COMMD1: variants seen among roughly 807,000 people sequenced by gnomAD.
COMMD1 encodes the protein COMM domain-containing protein 1.
In COMMD1, 10 loss-of-function variants were observed where a neutral mutation model predicts 17.2. The observed-to-expected ratio is 0.58, with a 90% confidence interval of 0.36 to 0.99. The LOEUF is 0.99. COMMD1 is among the 50% of genes least tolerant of loss of function. COMMD1 has a pLI of 0.01. For synonymous variants in COMMD1, 97 were observed against 91.6 expected (o/e 1.06, Z -0.34); for missense variants, 270 against 231.8 (o/e 1.17, Z -1.07).
Position 62,108,173 on chromosome 2 carries a change from C to G in COMMD1, c.463-27658C>G, listed in dbSNP as rs542354719. ...TATACATTGGCATCACATATATTGG[C>G]ATCACAATGCCTAAAAGTATTTTAG... On this transcript the variant is annotated intron_variant, in intron 2 of 2. Transcript: ENST00000311832. Among the ~76,000 whole-genome samples the G allele has an allele frequency of 1.9e-3, 296 of 152,268 alleles. 1 individual carries two copies. Among genetic ancestry groups the G allele is most frequent in the African/African-American group, 6.8e-3 (281 of 41,552 alleles).
At chr2:62,131,964 C>T (rs1458854094) in intron 2 of COMMD1, among the ~76,000 whole-genome samples, 1 of 151,944 alleles carries the variant, frequency 6.6e-6, no homozygotes, top group African/African-American at 2.4e-5. Flanking sequence ...TCTTGGCTCA[C>T]TGCAACCTCT....
At chr2:61,998,592 T>C (rs1668836012) in intron 1 of COMMD1, among the ~76,000 whole-genome samples, 1 of 152,212 alleles carries the variant, frequency 6.6e-6, no homozygotes, top group African/African-American at 2.4e-5. Flanking sequence ...GTGTGTGCAC[T>C]GGAGTAGCAC....
chr2:62,111,261 C>A (rs1475829438), intron 2 of COMMD1, among the ~76,000 whole-genome samples: 2 of 152,202 alleles, frequency 1.3e-5, no homozygotes, highest in East Asian at 3.8e-4. Flanking sequence ...AGGGTCACAT[C>A]TGACACGCCA....
chr2:62,065,078 G>C (rs961181922), intron 2 of COMMD1, among the ~76,000 whole-genome samples: 2 of 152,142 alleles, frequency 1.3e-5, no homozygotes, highest in Non-Finnish European at 2.9e-5. Flanking sequence ...TACAGGTGCT[G>C]AGGCAGGAGA....
At chr2:61,995,246 G>A (rs1668723626) in intron 1 of COMMD1, among the ~76,000 whole-genome samples, 1 of 152,122 alleles carries the variant, frequency 6.6e-6, no homozygotes, top group Admixed American at 6.5e-5. Flanking sequence ...CACCACACTG[G>A]CCAGATTCAG....
At chr2:62,115,148 C>A (rs138754785) in intron 2 of COMMD1, among the ~76,000 whole-genome samples, 1 of 152,142 alleles carries the variant, frequency 6.6e-6, no homozygotes. Context: ...TCGGTTAAAA[C>A]GACTATTTTG....
intron 2 of COMMD1, among the ~76,000 whole-genome samples, chr2:62,004,369 C>T (rs935642314): frequency 2.6e-5 from 4 of 152,086 alleles, no homozygotes; most frequent in Non-Finnish European, 5.9e-5. Context: ...GGCACAATCT[C>T]GGCTCACTGC....
At chr2:62,058,921 C>T (rs1670782143) in intron 2 of COMMD1, among the ~76,000 whole-genome samples, 1 of 152,042 alleles carries the variant, frequency 6.6e-6, no homozygotes, top group South Asian at 2.1e-4. Context: ...GCTGGGATTA[C>T]AGGCATGTGC....
chr2:62,032,517 C>T (rs566436512), intron 2 of COMMD1, among the ~76,000 whole-genome samples: 1 of 152,160 alleles, frequency 6.6e-6, no homozygotes, highest in African/African-American at 2.4e-5. Context: ...GCATGGATGA[C>T]AGAGCGAGAC....
intron 1 of COMMD1, among the ~76,000 whole-genome samples, chr2:61,919,498 T>G (rs1181111896): frequency 1.3e-5 from 2 of 151,944 alleles, no homozygotes; most frequent in Non-Finnish European, 2.9e-5. Context: ...GTATTTTTTT[T>G]TTTTGTAGAG....
chr2:61,893,877 G>C (rs1018976399), intron 1 of COMMD1, among the ~76,000 whole-genome samples: 5 of 151,952 alleles, frequency 3.3e-5, no homozygotes, highest in South Asian at 2.1e-4. Flanking sequence ...TTGTTTTAGG[G>C]GTCCAGGATG....
At chr2:62,099,178 G>A (rs144719321) in intron 2 of COMMD1, among the ~76,000 whole-genome samples, 32 of 152,324 alleles carry the variant, frequency 2.1e-4, no homozygotes, top group Non-Finnish European at 4.3e-4. Flanking sequence ...GGGTCAGGAG[G>A]AGCAGAAGGG....
rs540974592 is a variant in COMMD1 at position 61,989,706 on chromosome 2, C to T, written c.181-10995C>T. On this transcript the variant is annotated intron_variant, in intron 1 of 2. Coordinates refer to ENST00000311832, the MANE Select transcript of COMMD1 (RefSeq NM_152516.4). ...TCGAAACTCCCAACCTCAAGTGATC[C>T]GCCCACGTCGGCCTCCCAAAGTGCT... is the stretch of plus-strand genomic sequence containing the variant. Among the ~76,000 whole-genome samples the T allele has an allele frequency of 3.3e-5, 5 of 152,124 alleles. No individual in the cohort carries two copies. In the South Asian group the frequency reaches 6.2e-4, roughly 19 times the overall value.
chr2:61,923,343 A>T (rs981209730), intron 1 of COMMD1, among the ~76,000 whole-genome samples: 1 of 152,138 alleles, frequency 6.6e-6, no homozygotes, highest in East Asian at 1.9e-4. Flanking sequence ...ACATTAAACT[A>T]TGTGCAAAGT....
intron 2 of COMMD1, among the ~76,000 whole-genome samples, chr2:62,017,985 G>T (rs1200834298): frequency 6.6e-6 from 1 of 151,814 alleles, no homozygotes; most frequent in Non-Finnish European, 1.5e-5. Flanking sequence ...GGAGATTGAG[G>T]CTGCAGTGAG....
intron 2 of COMMD1, among the ~76,000 whole-genome samples, chr2:62,060,495 C>G (rs548921381): frequency 6.6e-6 from 1 of 152,130 alleles, no homozygotes; most frequent in Non-Finnish European, 1.5e-5. Flanking sequence ...TTAAGTAGTC[C>G]TATGTATTTC....
intron 2 of COMMD1, among the ~76,000 whole-genome samples, chr2:62,007,631 G>C (rs13430756): frequency 0.12 from 18,020 of 152,070 alleles, 2,548 homozygotes; most frequent in African/African-American, 0.34. Context: ...GTTGCCTACA[G>C]TATTCAGTAC....
At chr2:62,043,334 C>T (rs567287079) in intron 2 of COMMD1, among the ~76,000 whole-genome samples, 21 of 152,320 alleles carry the variant, frequency 1.4e-4, no homozygotes, top group African/African-American at 4.6e-4. Context: ...TTGTTAGCTG[C>T]CCTTCCTTCA....
chr2:61,916,362 C>T (rs770030427), intron 1 of COMMD1, among the ~76,000 whole-genome samples: 2 of 152,146 alleles, frequency 1.3e-5, no homozygotes, highest in Non-Finnish European at 2.9e-5. Context: ...AGCCAACAGC[C>T]TTTTCTTTCT....
Sources: gnomAD v4.1 joint callset for allele counts (sites outside exome capture counted in the v4.1 genomes callset) on GRCh38, gnomAD v4.1.1 for gene constraint, MANE v1.5 for transcripts, NCBI Gene and HGNC (gene_info 2026-07-23, HGNC 2026-07-21) for gene names.